Variants in TMOD1 observed in about 807,000 individuals in gnomAD.
TMOD1 encodes the protein tropomodulin-1.
TMOD1 carries 17 observed loss-of-function variants against 40.6 expected under a neutral mutation model. That is an observed-to-expected ratio of 0.42 (90% CI 0.29 to 0.63). The LOEUF is 0.63. TMOD1 is among the 20% of genes least tolerant of loss of function. The pLI is 0.22. For synonymous variants in TMOD1, 181 were observed against 175.0 expected (o/e 1.03, Z -0.27); for missense variants, 391 against 447.6 (o/e 0.87, Z 1.14).
Position 97,599,825 on chromosome 9 carries a change from C to G in TMOD1, c.*127C>G, listed in dbSNP as rs1302506150. 22 of 1,537,156 alleles carry G rather than the reference C, an allele frequency of 1.4e-5. No individual in the cohort carries two copies. The highest frequency in any genetic ancestry group is 3.5e-6 in the Non-Finnish European group (4 of 1,135,108). The stretch of plus-strand genomic sequence containing the variant: ...CTTTTGTGGTTCAGTTCTTTATGCA[C>G]TAAGGTTTTAGGTTGACTAGTGGTT... On this transcript the variant is annotated 3_prime_UTR_variant, in exon 10 of 10. Transcript: ENST00000259365.
intron 8 of TMOD1, among the ~76,000 whole-genome samples, chr9:97,573,117 A>G (rs79346411): frequency 0.014 from 2,081 of 152,296 alleles, 96 homozygotes; most frequent in East Asian, 0.12. Context: ...GATGGATGGG[A>G]GAAACCCTGT....
At chr9:97,591,184 C>A in intron 8 of TMOD1, 107 bp from the exon 9 acceptor site, 1 of 1,199,294 alleles carries the variant, frequency 8.3e-7, no homozygotes. Flanking sequence ...AGGCTAAAAT[C>A]CCCTCCCACT....
chr9:97,523,123 G>T (rs563017343), intron 1 of TMOD1, among the ~76,000 whole-genome samples: 72 of 152,210 alleles, frequency 4.7e-4, no homozygotes, highest in Non-Finnish European at 6.5e-4. Context: ...GATCTTCAAG[G>T]TATAAAAAAG....
chr9:97,501,552 G>T (rs1016898676), upstream of TMOD1: 29 of 150,790 alleles, frequency 1.9e-4, no homozygotes, highest in Non-Finnish European at 3.0e-4. Flanking sequence ...AGTGGAGGGG[G>T]GGGGAAGGAG....
At position 97,600,752 on chromosome 9, in the gene TMOD1, C is replaced by A; in HGVS notation, c.*1054C>A. 1 of 1,006,626 alleles carries A rather than the reference C, an allele frequency of 9.9e-7. No individual in the cohort carries two copies. The highest frequency in any genetic ancestry group is 1.2e-6 in the Non-Finnish European group (1 of 842,696). 62.4% of individuals were successfully genotyped at this position (1,006,626 alleles called of 1,614,324 possible). On this transcript the variant is annotated 3_prime_UTR_variant, in exon 10 of 10. Transcript: ENST00000259365. The stretch of plus-strand genomic sequence containing the variant: ...CCAGATATCAAGGAATTGGGAAATC[C>A]TGGCCAAACCACCCCAAGATGATTA...
chr9:97,519,092 C>T (rs146088321), intron 1 of TMOD1, among the ~76,000 whole-genome samples: 4 of 152,354 alleles, frequency 2.6e-5, no homozygotes, highest in South Asian at 4.1e-4. Flanking sequence ...TAAGTGCCTC[C>T]TCTGGAGTGT....
At chr9:97,553,734 T>G (rs1248973070) in intron 4 of TMOD1, among the ~76,000 whole-genome samples, 1 of 152,004 alleles carries the variant, frequency 6.6e-6, no homozygotes, top group Non-Finnish European at 1.5e-5. Flanking sequence ...GAAGAGAGGA[T>G]AGAGGGAAAA....
At chr9:97,599,266 G>A (rs1030887378) in intron 9 of TMOD1, among the ~76,000 whole-genome samples, 1 of 152,158 alleles carries the variant, frequency 6.6e-6, no homozygotes, top group Non-Finnish European at 1.5e-5. Flanking sequence ...TTTCCACCTG[G>A]TTAAGACCCT....
intron 2 of TMOD1, among the ~76,000 whole-genome samples, chr9:97,531,041 C>CT (rs563049811): frequency 7.3e-6 from 1 of 136,634 alleles, no homozygotes; most frequent in African/African-American, 2.7e-5. Context: ...ACACCCACCC[C>CT]CCCCACCACC....
Position 97,524,301 on chromosome 9 carries a change from A to C in TMOD1, c.113A>C (p.Asp38Ala). Reference protein sequence around the residue: ...RTLENELDELDPDNALLPAGL... With the variant: ...RTLENELDELAPDNALLPAGL... ...CTGGAAAATGAGCTGGATGAGCTGG[A>C]CCCTGATGTGAGTAGGTGCTAAAGG... The change falls in exon 2 of 10, where the codon GAC becomes GCC. Residue 38 changes from aspartate (D) to alanine (A), a missense_variant. Asp to Ala is a moderately radical substitution (Grantham distance 126, BLOSUM62 -2). Coordinates refer to ENST00000259365, the MANE Select transcript of TMOD1 (RefSeq NM_003275.4). 6.2e-7 allele frequency: 1 copy of C among 1,613,986 alleles called. No homozygotes were observed. The highest frequency in any genetic ancestry group is 8.5e-7 in the Non-Finnish European group (1 of 1,179,916).
chr9:97,576,445 C>G (rs1830940388), intron 8 of TMOD1, among the ~76,000 whole-genome samples: 1 of 151,930 alleles, frequency 6.6e-6, no homozygotes, highest in South Asian at 2.1e-4. Flanking sequence ...CAGAGTGAGA[C>G]ACAGTCTCCA....
chr9:97,517,959 G>C (rs1286917335), intron 1 of TMOD1: 3 of 152,408 alleles, frequency 2.0e-5, no homozygotes, highest in Non-Finnish European at 4.4e-5. Flanking sequence ...TGTGTGCTCT[G>C]TCTCTCATGG....
At chr9:97,531,836 G>A (rs1016572178) in intron 2 of TMOD1, among the ~76,000 whole-genome samples, 1 of 152,116 alleles carries the variant, frequency 6.6e-6, no homozygotes, top group Non-Finnish European at 1.5e-5. Flanking sequence ...ATCCTGTGAG[G>A]TGTCATTATT....
At chr9:97,559,442 C>T (rs112726350) in intron 4 of TMOD1, among the ~76,000 whole-genome samples, 20 of 151,494 alleles carry the variant, frequency 1.3e-4, no homozygotes, top group African/African-American at 4.6e-4. Context: ...GACTCTCACT[C>T]AGCAACAGAA....
rs556955268 is a variant in TMOD1 at position 97,586,726 on chromosome 9, C to T, written c.871-4565C>T. On this transcript the variant is annotated intron_variant, in intron 8 of 9. Coordinates refer to ENST00000259365, the MANE Select transcript of TMOD1 (RefSeq NM_003275.4). ...CTCGTGGTGCGCCATTTTTTAAGCCCGTCGGAAAAGCGCAGTATTCGGGTG... is the reference window on the plus strand; with the variant it reads ...CTCGTGGTGCGCCATTTTTTAAGCCTGTCGGAAAAGCGCAGTATTCGGGTG... Among the ~76,000 whole-genome samples, 13 of 151,402 alleles carry T rather than the reference C, an allele frequency of 8.6e-5. No individual in the cohort carries two copies. In the South Asian group the frequency reaches 1.5e-3, roughly 17 times the overall value.
chr9:97,516,061 C>T (rs1829800889), intron 1 of TMOD1, among the ~76,000 whole-genome samples: 2 of 152,134 alleles, frequency 1.3e-5, no homozygotes, highest in Admixed American at 1.3e-4. Flanking sequence ...CTACTCCTTC[C>T]ACACCTTACC....
rs1829504858 is a variant in TMOD1 at position 97,501,763 on chromosome 9, C to G, written c.-89C>G. 6.5e-6 allele frequency: 1 copy of G among 152,746 alleles called. No individual in the cohort carries two copies. Among genetic ancestry groups the G allele is most frequent in the Non-Finnish European group, 1.5e-5 (1 of 68,454 alleles). 9.5% of individuals were successfully genotyped at this position (152,746 alleles called of 1,614,324 possible). On this transcript the variant is annotated 5_prime_UTR_variant, in exon 1 of 10. Transcript: ENST00000259365. ...ATCTGCCCGCCGCCCGCGCCTGTTC[C>G]GCAGCCCGCGTCCGCGCCGGCCCCA...
Position 97,600,348 on chromosome 9 carries a change from T to C in TMOD1, c.*650T>C. 1 of 986,132 alleles carries C rather than the reference T, an allele frequency of 1.0e-6. No homozygotes were observed. The highest frequency in any genetic ancestry group is 1.2e-6 in the Non-Finnish European group (1 of 830,198). The allele number at this position is 986,132 out of a possible 1,614,324, so 61.1% of individuals were successfully genotyped here. On this transcript the variant is annotated 3_prime_UTR_variant, in exon 10 of 10. Transcript: ENST00000259365. ...AAAAACCAATGGTGAAATTTCAAGT[T>C]TCAAAAACCAACCTTTCATTACCAA...
rs1053799040 is a variant in TMOD1, at chr9:97,557,969, C to T, written c.397+4569C>T. Among the ~76,000 whole-genome samples the T allele has an allele frequency of 6.6e-5, 10 of 152,108 alleles. No individual in the cohort carries two copies. Among genetic ancestry groups the T allele is most frequent in the Non-Finnish European group, 1.3e-4 (9 of 68,036 alleles). On this transcript the variant is annotated intron_variant, in intron 4 of 9. Transcript: ENST00000259365. The surrounding 1 kb of genome is among the most constrained non-coding windows in gnomAD (Gnocchi z 4.4). ...GCAATGTTGATGTGCCGTTTTCTCC[C>T]GTCACTCACTTCTGTTGACGTGGAG...
Sources: gnomAD v4.1 joint callset for allele counts (sites outside exome capture counted in the v4.1 genomes callset) on GRCh38, gnomAD v4.1.1 for gene constraint, Gnocchi (gnomAD v3.1) non-coding constraint, MANE v1.5 for transcripts, NCBI Gene and HGNC (gene_info 2026-07-23, HGNC 2026-07-21) for gene names.